ESYT2: variants seen among roughly 807,000 people sequenced by gnomAD.
ESYT2 encodes extended synaptotagmin-2.
A neutral mutation model predicts 107.2 loss-of-function variants in ESYT2; 54 were observed. That is an observed-to-expected ratio of 0.50 (90% confidence interval 0.40 to 0.63). ESYT2 has a LOEUF of 0.63. Among genes scored for constraint, ESYT2 ranks in the 30% least tolerant of loss-of-function variants. ESYT2 has a pLI of 0.00. For missense variants in ESYT2, 1,020 were observed against 1,094.5 expected (o/e 0.93, Z 0.96); for synonymous variants, 491 against 434.1 (o/e 1.13, Z -1.63).
Position 158,731,233 on chromosome 7 carries a change from A to G in ESYT2, c.*2974T>C, listed in dbSNP as rs1222133819. ...AAGAAGGGCCGACCTCTTGATAAAGAATGTCTGTAAAAGGAATTCTTACCG... is the reference window on the plus strand; with the variant it reads ...AAGAAGGGCCGACCTCTTGATAAAGGATGTCTGTAAAAGGAATTCTTACCG... On this transcript the variant is annotated 3_prime_UTR_variant, in exon 23 of 23. Coordinates refer to ENST00000275418, the MANE Select transcript of ESYT2 (RefSeq NM_001367773.1). The G allele has an allele frequency of 2.6e-5, 4 of 152,240 alleles. No individual in the cohort carries two copies. Among genetic ancestry groups the G allele is most frequent in the African/African-American group, 4.8e-5 (2 of 41,466 alleles). The allele number at this position is 152,240 out of a possible 1,614,324, so 9.4% of individuals were successfully genotyped here.
In ESYT2 at chr7:158,741,681, G is replaced by A. The variant is rs57686648; in HGVS notation, c.2010C>T (p.Ala670=). ...GMEEKAQPPE[A]GPQGLHDLGR... is the part of the protein sequence containing the mutation. ...CCAGGTCGTGCAGCCCCTGAGGGCC[G>A]GCCTCAGGGGGCTGGGCCTTTTCTT... The change falls in exon 18 of 23, where the codon GCC becomes GCT. Residue 670 remains alanine, a synonymous_variant. Transcript: ENST00000275418. The A allele has an allele frequency of 0.18, 284,442 of 1,613,470 alleles. 30,413 individuals carry two copies. Among genetic ancestry groups the A allele is most frequent in the East Asian group, 0.56 (24,953 of 44,784 alleles).
chr7:158,820,571 G>A (rs1393444783), intron 1 of ESYT2, among the ~76,000 whole-genome samples: 1 of 152,260 alleles, frequency 6.6e-6, no homozygotes, highest in Non-Finnish European at 1.5e-5. Context: ...CAGGAGGATC[G>A]CTTGAGCCCA....
chr7:158,823,785 A>G (rs531507849), intron 1 of ESYT2, among the ~76,000 whole-genome samples: 2 of 152,316 alleles, frequency 1.3e-5, no homozygotes, highest in South Asian at 4.1e-4. Context: ...AGCCTACAGA[A>G]ACGATCATAG....
At chr7:158,761,670 C>A in intron 10 of ESYT2, 126 bp from the exon 11 acceptor site, 1 of 786,986 alleles carries the variant, frequency 1.3e-6, no homozygotes, top group East Asian at 2.5e-5. Context: ...AACAAGCACT[C>A]CAGAAATGCA....
chr7:158,782,540 TGA>T (rs1838937807), intron 6 of ESYT2, among the ~76,000 whole-genome samples: 1 of 146,508 alleles, frequency 6.8e-6, no homozygotes, highest in East Asian at 2.0e-4. Context: ...TGTAAGAAAA[TGA>T]GTGTGAGAAG....
intron 1 of ESYT2, among the ~76,000 whole-genome samples, chr7:158,799,486 G>A (rs1037237206): frequency 1.3e-5 from 2 of 152,114 alleles, no homozygotes; most frequent in African/African-American, 4.8e-5. Context: ...CAGGCCAGCC[G>A]TGGTGGCCCA....
chr7:158,774,145 G>C (rs754864946), intron 6 of ESYT2, among the ~76,000 whole-genome samples: 1 of 152,174 alleles, frequency 6.6e-6, no homozygotes, highest in Non-Finnish European at 1.5e-5. Flanking sequence ...TATATTTGTA[G>C]AAGAAATTCT....
At chr7:158,786,628 GATGACACTTAA>G (rs1283864332) in intron 6 of ESYT2, among the ~76,000 whole-genome samples, 1 of 152,200 alleles carries the variant, frequency 6.6e-6, no homozygotes, top group African/African-American at 2.4e-5. Flanking sequence ...AACAGAAAGT[GATGACACTTAA>G]TTCTTTTGTT....
chr7:158,760,238 C>A, intron 11 of ESYT2, 91 bp from the exon 12 acceptor site: 1 of 1,148,264 alleles, frequency 8.7e-7, no homozygotes, highest in South Asian at 1.3e-5. Flanking sequence ...CCATGCTGCT[C>A]ACTAACCACG....
intron 1 of ESYT2, among the ~76,000 whole-genome samples, chr7:158,815,664 T>C (rs1388110438): frequency 6.6e-6 from 1 of 152,152 alleles, no homozygotes; most frequent in South Asian, 2.1e-4. Context: ...GTCATCTCAG[T>C]TCCCACAGTT....
chr7:158,824,507 T>C (rs1006127985), intron 1 of ESYT2, among the ~76,000 whole-genome samples: 1 of 152,242 alleles, frequency 6.6e-6, no homozygotes, highest in African/African-American at 2.4e-5. Flanking sequence ...ATACATACCA[T>C]ATTTTTGCTA....
intron 6 of ESYT2, among the ~76,000 whole-genome samples, chr7:158,785,387 T>C (rs1839072561): frequency 6.6e-6 from 1 of 151,700 alleles, no homozygotes; most frequent in Admixed American, 6.6e-5. Flanking sequence ...ATTGCGCCAC[T>C]GCACTCCAGC....
chr7:158,807,558 G>C (rs1245012862), intron 1 of ESYT2, among the ~76,000 whole-genome samples: 1 of 152,054 alleles, frequency 6.6e-6, no homozygotes, highest in South Asian at 2.1e-4. Context: ...CTTTTTTCCT[G>C]AATATGTTCA....
intron 12 of ESYT2, 52 bp downstream of exon 12, chr7:158,760,006 T>C: frequency 6.5e-7 from 1 of 1,535,506 alleles, no homozygotes; most frequent in Non-Finnish European, 9.0e-7. Flanking sequence ...CAAGCTCAGT[T>C]ATGAGGAGTA....
At chr7:158,778,840 G>T (rs1341568077) in intron 6 of ESYT2, among the ~76,000 whole-genome samples, 2 of 151,636 alleles carry the variant, frequency 1.3e-5, no homozygotes, top group Non-Finnish European at 2.9e-5. Context: ...GTGACTGGCT[G>T]GCTTCACTTT....
chr7:158,806,049 C>G (rs1839816703), intron 1 of ESYT2, among the ~76,000 whole-genome samples: 1 of 152,210 alleles, frequency 6.6e-6, no homozygotes, highest in Non-Finnish European at 1.5e-5. Context: ...AGGACACTAG[C>G]AGCAGAGCCG....
In ESYT2 at chr7:158,761,557, C is replaced by A; in HGVS notation, c.1185-13G>T. The A allele has an allele frequency of 6.2e-7, 1 of 1,610,488 alleles. No homozygotes were observed. The highest frequency in any genetic ancestry group is 1.1e-5 in the South Asian group (1 of 90,978). ...GTCAATCATAAGACTATAAAAATAA[C>A]AATACGACAACTTTAGAACATAGAA... On this transcript the variant is annotated splice_polypyrimidine_tract_variant and intron_variant, in intron 10 of 22. Coordinates refer to ENST00000275418, the MANE Select transcript of ESYT2 (RefSeq NM_001367773.1).
chr7:158,767,609 C>T, intron 8 of ESYT2, 45 bp downstream of exon 8: 1 of 1,590,876 alleles, frequency 6.3e-7, no homozygotes, highest in Non-Finnish European at 8.6e-7. Flanking sequence ...GCAGGCAGGT[C>T]TCCAAGATGT....
chr7:158,756,334 T>C (rs1219641590), intron 13 of ESYT2, among the ~76,000 whole-genome samples: 1 of 152,142 alleles, frequency 6.6e-6, no homozygotes, highest in Non-Finnish European at 1.5e-5. Flanking sequence ...AGGTATCCAG[T>C]GCCAGACGGG....
Sources: allele counts gnomAD v4.1 joint callset (sites outside exome capture counted in the v4.1 genomes callset), GRCh38; gene constraint gnomAD v4.1.1; transcripts MANE v1.5; gene names NCBI Gene and HGNC (gene_info 2026-07-23, HGNC 2026-07-21).